Variants in SGMS1 observed in about 807,000 individuals in gnomAD.
SGMS1 encodes the protein sphingomyelin synthase 1, also known as phosphatidylcholine:ceramide cholinephosphotransferase 1.
A neutral mutation model predicts 46.2 loss-of-function variants in SGMS1; 13 were observed. The observed-to-expected ratio is 0.28, with a 90% CI of 0.18 to 0.45. The LOEUF (loss-of-function observed/expected upper bound fraction) is 0.45. Ranked by LOEUF, SGMS1 falls within the 20% of genes least tolerant of loss-of-function variation. The probability of loss-of-function intolerance (pLI) is 1.00; values close to 1 mark genes in which losing one functional copy is unlikely to be tolerated. For synonymous variants in SGMS1, 203 were observed against 187.8 expected (o/e 1.08, Z -0.66); for missense variants, 324 against 519.9 (o/e 0.62, Z 3.66).
chr10:50,519,094 A>G (rs946927688), intron 3 of SGMS1, among the ~76,000 whole-genome samples: 3 of 152,170 alleles, frequency 2.0e-5, no homozygotes, highest in African/African-American at 7.2e-5. Context: ...CAGGGCAAAA[A>G]AAAATGCAAG....
In SGMS1 at chr10:50,431,358, C is replaced by A. The variant is rs1217553276; in HGVS notation, c.-232+2118G>T. On this transcript the variant is annotated intron_variant, in intron 6 of 10. Coordinates refer to ENST00000361781, the MANE Select transcript of SGMS1 (RefSeq NM_147156.4). Reference sequence around the variant, plus strand: ...ATGTAAGTCTGATTCAAAGAACTGACACAAGCAAATGTTTTGAAATATCCA... The same window carrying A: ...ATGTAAGTCTGATTCAAAGAACTGAAACAAGCAAATGTTTTGAAATATCCA... 3.3e-5 allele frequency among the ~76,000 whole-genome samples: 5 copies of A among 152,128 alleles called. No homozygotes were observed. The East Asian group carries it at 9.6e-4, about 29-fold the overall frequency.
At chr10:50,342,614 T>C (rs1166556986) in intron 7 of SGMS1, 1 of 152,242 alleles carries the variant, frequency 6.6e-6, no homozygotes, top group East Asian at 1.9e-4. Context: ...TTCCTTAATA[T>C]TTAACCACAT....
chr10:50,432,180 A>C (rs1473861806), intron 6 of SGMS1, among the ~76,000 whole-genome samples: 1 of 152,222 alleles, frequency 6.6e-6, no homozygotes, highest in African/African-American at 2.4e-5. Flanking sequence ...ATACCAGGCC[A>C]CTAGAACCAA....
intron 6 of SGMS1, among the ~76,000 whole-genome samples, chr10:50,410,787 G>A (rs1159696910): frequency 6.6e-6 from 1 of 152,120 alleles, no homozygotes; most frequent in Admixed American, 6.5e-5. Flanking sequence ...CCGCCCTAGG[G>A]GTAAGGCACC....
intron 3 of SGMS1, among the ~76,000 whole-genome samples, chr10:50,505,051 G>T (rs1837695478): frequency 6.6e-6 from 1 of 151,924 alleles, no homozygotes; most frequent in South Asian, 2.1e-4. Context: ...TCTATAAAAA[G>T]AAAAAAATAC....
intron 2 of SGMS1, among the ~76,000 whole-genome samples, chr10:50,558,387 T>C (rs1164871079): frequency 6.6e-6 from 1 of 152,200 alleles, no homozygotes; most frequent in South Asian, 2.1e-4. Context: ...GACTGGAAGC[T>C]TCCCCATTTC....
intron 2 of SGMS1, among the ~76,000 whole-genome samples, chr10:50,576,916 T>G (rs906743338): frequency 3.3e-5 from 5 of 152,222 alleles, no homozygotes; most frequent in African/African-American, 1.2e-4. Flanking sequence ...ACTTGGAAAC[T>G]GTAAGTATTT....
intron 2 of SGMS1, among the ~76,000 whole-genome samples, chr10:50,565,224 T>G (rs1020531652): frequency 6.6e-6 from 1 of 152,182 alleles, no homozygotes; most frequent in African/African-American, 2.4e-5. Context: ...ATCCCTGGGC[T>G]TAGTACACAG....
chr10:50,625,181 A>C, upstream of SGMS1: 7 of 522,650 alleles, frequency 1.3e-5, no homozygotes, highest in South Asian at 8.2e-5. Flanking sequence ...AATCGAGACA[A>C]CAGAACTCAG....
intron 6 of SGMS1, among the ~76,000 whole-genome samples, chr10:50,368,900 C>G (rs2133438338): frequency 6.6e-6 from 1 of 152,286 alleles, no homozygotes; most frequent in East Asian, 1.9e-4. Flanking sequence ...CTTAGAAAGC[C>G]TTGATTATAT....
intron 8 of SGMS1, among the ~76,000 whole-genome samples, chr10:50,320,743 C>T (rs1847427903): frequency 1.3e-5 from 2 of 152,200 alleles, no homozygotes; most frequent in South Asian, 4.1e-4. Flanking sequence ...CCCGTTGTTT[C>T]CTCCACCTGG....
At chr10:50,344,516 C>T (rs1459796040) in intron 6 of SGMS1, among the ~76,000 whole-genome samples, 171 bp from the exon 7 acceptor site, 2 of 152,084 alleles carry the variant, frequency 1.3e-5, no homozygotes, top group African/African-American at 2.4e-5. Context: ...TAGTCTTTTG[C>T]GACACACATT....
intron 2 of SGMS1, among the ~76,000 whole-genome samples, chr10:50,535,874 G>A (rs149047681): frequency 1.1e-4 from 17 of 152,232 alleles, no homozygotes; most frequent in African/African-American, 3.4e-4. Context: ...AATGTATTAC[G>A]TCTCAGTGGG....
chr10:50,518,180 CA>C (rs1423993001), intron 3 of SGMS1, among the ~76,000 whole-genome samples: 2 of 152,138 alleles, frequency 1.3e-5, no homozygotes, highest in Non-Finnish European at 2.9e-5. Context: ...AGGGAGTCTT[CA>C]TTAGGTATAC....
rs1204094377 is a variant in SGMS1 at position 50,433,476 on chromosome 10, G to A, written c.-232C>T. 2.0e-5 allele frequency: 3 copies of A among 152,302 alleles called. No individual in the cohort carries two copies. The highest frequency in any genetic ancestry group is 2.1e-4 in the South Asian group (1 of 4,824). 9.4% of individuals were successfully genotyped at this position (152,302 alleles called of 1,614,324 possible). A position where few individuals can be genotyped will look rare whatever the true frequency, so the allele number is the denominator to read the frequency against. On this transcript the variant is annotated splice_region_variant and 5_prime_UTR_variant, in exon 6 of 11. Coordinates refer to ENST00000361781, the MANE Select transcript of SGMS1 (RefSeq NM_147156.4). ...CAAAAGGCCAAGAACATTAACTTAC[G>A]GATTATTTAAAAACATTCTGGTCAT... is the stretch of plus-strand genomic sequence containing the variant.
At chr10:50,313,880 A>G (rs2133281645) in intron 8 of SGMS1, among the ~76,000 whole-genome samples, 1 of 152,320 alleles carries the variant, frequency 6.6e-6, no homozygotes, top group Non-Finnish European at 1.5e-5. Context: ...GTACCCTTAG[A>G]GACCCTAAGC....
At chr10:50,326,326 C>T (rs1480728159) in intron 8 of SGMS1, among the ~76,000 whole-genome samples, 2 of 152,110 alleles carry the variant, frequency 1.3e-5, no homozygotes, top group African/African-American at 4.8e-5. Context: ...GTGAATTTTT[C>T]AGCTCTCTTT....
chr10:50,335,853 A>C (rs1037229331), intron 7 of SGMS1: 7 of 152,210 alleles, frequency 4.6e-5, no homozygotes, highest in South Asian at 2.1e-4. Context: ...GTGAGATGAT[A>C]ATTTGGTTTG....
Position 50,332,250 on chromosome 10 carries a change from C to G in SGMS1, c.624-4928G>C, listed in dbSNP as rs139124669. 2.0e-5 allele frequency among the ~76,000 whole-genome samples: 3 copies of G among 152,228 alleles called. No homozygotes were observed. In the East Asian group the frequency reaches 5.8e-4, roughly 29 times the overall value. On this transcript the variant is annotated intron_variant, in intron 7 of 10. Coordinates refer to ENST00000361781, the MANE Select transcript of SGMS1 (RefSeq NM_147156.4). ...CTCTTTGAACACAGCTTGCGAAGTC[C>G]CTCCTGCCTTGAGTAGGATCTCTGA... is the stretch of plus-strand genomic sequence containing the variant.
Sources: allele counts gnomAD v4.1 joint callset (sites outside exome capture counted in the v4.1 genomes callset), GRCh38; gene constraint gnomAD v4.1.1; transcripts MANE v1.5; gene names NCBI Gene and HGNC (gene_info 2026-07-23, HGNC 2026-07-21).